KCNMA1: variants seen among roughly 807,000 people sequenced by gnomAD.
The protein encoded by KCNMA1 is Calcium-activated potassium channel subunit alpha-1.
In KCNMA1, 29 loss-of-function variants were observed where a neutral mutation model predicts 140.0. The ratio of observed to expected loss-of-function variants is 0.21; its 90% CI spans 0.15 to 0.28. KCNMA1 has a LOEUF of 0.28. KCNMA1 is among the 10% of genes least tolerant of loss of function. KCNMA1 has a pLI of 1.00. For synonymous variants in KCNMA1, 612 were observed against 611.9 expected, an observed-to-expected ratio of 1.00 and a Z score of 0.00; for missense variants, 880 against 1,602.2, an observed-to-expected ratio of 0.55 and a Z score of 7.70.
intron 19 of KCNMA1, among the ~76,000 whole-genome samples, chr10:76,982,704 G>A (rs79972893): frequency 0.01 from 1,542 of 152,226 alleles, 23 homozygotes; most frequent in African/African-American, 0.035. Context: ...CTCTGGGAAA[G>A]CTATTTTTCT....
At chr10:76,978,694 T>C (rs1194217701) in intron 19 of KCNMA1, 1 of 152,182 alleles carries the variant, frequency 6.6e-6, no homozygotes, top group Non-Finnish European at 1.5e-5. Context: ...TTGGATTTAC[T>C]GTAGGTCAAA....
chr10:77,533,695 T>C (rs1029062395), intron 1 of KCNMA1, among the ~76,000 whole-genome samples: 1 of 151,994 alleles, frequency 6.6e-6, no homozygotes, highest in Non-Finnish European at 1.5e-5. Context: ...ATCCCTCTGA[T>C]AAAATCAAAT....
intron 14 of KCNMA1, among the ~76,000 whole-genome samples, chr10:77,060,815 G>A (rs1056703717): frequency 6.6e-6 from 1 of 152,146 alleles, no homozygotes; most frequent in African/African-American, 2.4e-5. Context: ...AGAAATAGGA[G>A]ATGTGACAAT....
At chr10:77,030,238 G>A (rs190649374) in intron 15 of KCNMA1, among the ~76,000 whole-genome samples, 1 of 152,292 alleles carries the variant, frequency 6.6e-6, no homozygotes, top group East Asian at 1.9e-4. Context: ...TGCTGATTAT[G>A]CAGCTTGCTG....
chr10:77,395,164 C>T (rs1209807026), intron 2 of KCNMA1, among the ~76,000 whole-genome samples: 2 of 151,970 alleles, frequency 1.3e-5, no homozygotes, highest in Non-Finnish European at 2.9e-5. Flanking sequence ...CTGGGCAACA[C>T]AGTAGAACCC....
At chr10:77,574,338 T>TACACAATGTATGCTTTGCAC (rs2073178861) in intron 1 of KCNMA1, among the ~76,000 whole-genome samples, 1 of 152,126 alleles carries the variant, frequency 6.6e-6, no homozygotes, top group African/African-American at 2.4e-5. Context: ...CACATGTATA[T>TACACAATGTATGCTTTGCAC]ACACAATGTA....
chr10:77,407,386 C>A (rs1428908698), intron 1 of KCNMA1, among the ~76,000 whole-genome samples: 4 of 152,202 alleles, frequency 2.6e-5, no homozygotes, highest in Admixed American at 2.6e-4. Context: ...GTTCAGTAGC[C>A]TTGCTGGGAA....
chr10:76,979,046 G>C (rs1419973058), intron 19 of KCNMA1, among the ~76,000 whole-genome samples: 1 of 152,140 alleles, frequency 6.6e-6, no homozygotes, highest in Admixed American at 6.6e-5. Context: ...CAGGGCAAAA[G>C]CTTCTCTCAC....
chr10:76,991,006 T>C (rs1255556613), intron 19 of KCNMA1, among the ~76,000 whole-genome samples: 1 of 152,206 alleles, frequency 6.6e-6, no homozygotes, highest in African/African-American at 2.4e-5. Context: ...GGTGCTGCTG[T>C]TGCATTCAAG....
In KCNMA1 at chr10:77,247,123, C is replaced by T. The variant is rs551754910; in HGVS notation, c.602+4072G>A. 5.3e-5 allele frequency among the ~76,000 whole-genome samples: 8 copies of T among 152,270 alleles called. No homozygotes were observed. The South Asian group carries it at 1.7e-3, about 32-fold the overall frequency. On this transcript the variant is annotated intron_variant, in intron 3 of 27. Coordinates refer to ENST00000286628, the MANE Select transcript of KCNMA1 (RefSeq NM_001161352.2). ...GGACTTGACCTTCATTTTCAGTATA[C>T]GCCACATTAAATATTCATAATCCGC... is the stretch of plus-strand genomic sequence containing the variant.
chr10:77,574,280 A>C (rs192006021), intron 1 of KCNMA1, among the ~76,000 whole-genome samples: 4 of 151,808 alleles, frequency 2.6e-5, no homozygotes, highest in Non-Finnish European at 4.4e-5. Flanking sequence ...ATATATATAA[A>C]ATCTAGCAGA....
chr10:76,870,983 G>A (rs2031197259), exon 28 of KCNMA1: 1 of 152,130 alleles, frequency 6.6e-6, no homozygotes, highest in African/African-American at 2.4e-5. Flanking sequence ...TGGTTCTGGA[G>A]TACCCTAGAT....
chr10:77,572,924 C>A lies in KCNMA1; in HGVS notation c.378+64341G>T, dbSNP rs2072233832. Reference sequence around the variant, plus strand: ...AGGTTTGGGCTGCACATCACAGTCACACACACTAACATTTCTTCAATGACA... The same window carrying A: ...AGGTTTGGGCTGCACATCACAGTCAAACACACTAACATTTCTTCAATGACA... On this transcript the variant is annotated intron_variant, in intron 1 of 27. Transcript: ENST00000286628. Among the ~76,000 whole-genome samples, 5 of 151,974 alleles carry A rather than the reference C, an allele frequency of 3.3e-5. No homozygotes were observed. The South Asian group carries it at 1.0e-3, about 32-fold the overall frequency.
chr10:77,404,490 C>G (rs1209963983), intron 1 of KCNMA1, among the ~76,000 whole-genome samples: 2 of 152,138 alleles, frequency 1.3e-5, no homozygotes, highest in East Asian at 3.9e-4. Flanking sequence ...GTTGGCCAGG[C>G]TGGTCTCAAA....
intron 6 of KCNMA1, among the ~76,000 whole-genome samples, chr10:77,112,697 T>C (rs1198047013): frequency 2.6e-5 from 4 of 152,112 alleles, no homozygotes; most frequent in African/African-American, 9.7e-5. Context: ...TACAGAAAAG[T>C]GGAAAGAACA....
chr10:77,529,016 T>C (rs1056717101), intron 1 of KCNMA1, among the ~76,000 whole-genome samples: 2 of 152,116 alleles, frequency 1.3e-5, no homozygotes, highest in Non-Finnish European at 2.9e-5. Context: ...GTAGCACAGA[T>C]GGTTGAACAG....
chr10:77,050,731 C>T (rs17480887), intron 14 of KCNMA1, among the ~76,000 whole-genome samples: 12,419 of 152,160 alleles, frequency 0.082, 646 homozygotes, highest in Non-Finnish European at 0.12. Context: ...TTCCCAAAGA[C>T]GGTGAAGAAT....
chr10:77,344,596 T>G (rs545504230), intron 2 of KCNMA1, among the ~76,000 whole-genome samples: 42 of 152,108 alleles, frequency 2.8e-4, no homozygotes, highest in South Asian at 1.0e-3. Flanking sequence ...TTTTTTTTTT[T>G]GGGTAAATTC....
At chr10:77,510,946 C>T (rs373215139) in intron 1 of KCNMA1, among the ~76,000 whole-genome samples, 11 of 152,324 alleles carry the variant, frequency 7.2e-5, no homozygotes, top group South Asian at 2.1e-4. Context: ...ATGGAGATAA[C>T]GCCGATTAAC....
Sources: allele counts gnomAD v4.1 joint callset (sites outside exome capture counted in the v4.1 genomes callset), GRCh38; gene constraint gnomAD v4.1.1; transcripts MANE v1.5; gene names NCBI Gene and HGNC (gene_info 2026-07-23, HGNC 2026-07-21).